Variants in PARD3B observed in about 807,000 individuals in gnomAD.
PARD3B encodes the protein par-3 family cell polarity regulator beta, also known as partitioning defective 3 homolog B.
In PARD3B, 103 loss-of-function variants were observed where a neutral mutation model predicts 130.2. That is an observed-to-expected ratio of 0.79 (90% CI 0.67 to 0.93). The LOEUF is 0.93. PARD3B is among the 40% of genes least tolerant of loss of function. The probability of loss-of-function intolerance (pLI) is 0.00; values close to 1 mark genes in which losing one functional copy is unlikely to be tolerated. For synonymous variants in PARD3B, 583 were observed against 553.2 expected, an observed-to-expected ratio of 1.05 and a Z score of -0.76; for missense variants, 1,609 against 1,499.2, an observed-to-expected ratio of 1.07 and a Z score of -1.21.
At chr2:204,936,229 C>T (rs1329125297) in intron 2 of PARD3B, among the ~76,000 whole-genome samples, 5 of 152,264 alleles carry the variant, frequency 3.3e-5, no homozygotes, top group Admixed American at 3.3e-4. Context: ...GGGCCACGTG[C>T]TGTGTGGTCG....
At chr2:204,589,728 C>T (rs1253745256) in intron 1 of PARD3B, among the ~76,000 whole-genome samples, 2 of 152,148 alleles carry the variant, frequency 1.3e-5, no homozygotes, top group African/African-American at 2.4e-5. Flanking sequence ...CTAAGATAAC[C>T]ATGAGTTTTG....
intron 2 of PARD3B, among the ~76,000 whole-genome samples, chr2:204,918,378 C>G (rs952497720): frequency 6.6e-6 from 1 of 152,174 alleles, no homozygotes; most frequent in Non-Finnish European, 1.5e-5. Context: ...CGCCTGTAAT[C>G]CCAGCACTTT....
chr2:204,800,044 A>G (rs1421809586), intron 2 of PARD3B, among the ~76,000 whole-genome samples: 1 of 152,212 alleles, frequency 6.6e-6, no homozygotes, highest in East Asian at 1.9e-4. Context: ...AGTACCAGTG[A>G]CTAATCCTGG....
chr2:204,679,599 G>GT (rs2036723760), intron 1 of PARD3B, among the ~76,000 whole-genome samples: 1 of 151,710 alleles, frequency 6.6e-6, no homozygotes, highest in Non-Finnish European at 1.5e-5. Flanking sequence ...AATCATAAAT[G>GT]TTTTGCATAT....
At chr2:204,761,120 G>A (rs932793496) in intron 2 of PARD3B, among the ~76,000 whole-genome samples, 3 of 152,204 alleles carry the variant, frequency 2.0e-5, no homozygotes, top group Non-Finnish European at 4.4e-5. Context: ...ACACAAACTT[G>A]TTAGGGGTGG....
intron 10 of PARD3B, among the ~76,000 whole-genome samples, chr2:205,140,796 T>G (rs546860669): frequency 6.6e-6 from 1 of 152,320 alleles, no homozygotes; most frequent in East Asian, 1.9e-4. Flanking sequence ...AATTTTTCAT[T>G]CTTTGGTTAT....
At chr2:204,632,002 G>A (rs2034695358) in intron 1 of PARD3B, among the ~76,000 whole-genome samples, 1 of 152,112 alleles carries the variant, frequency 6.6e-6, no homozygotes, top group Non-Finnish European at 1.5e-5. Context: ...TACTAAGTTT[G>A]GAGGATAAAT....
At chr2:205,471,604 C>G (rs1391035724) in intron 20 of PARD3B, among the ~76,000 whole-genome samples, 1 of 151,990 alleles carries the variant, frequency 6.6e-6, no homozygotes, top group East Asian at 1.9e-4. Flanking sequence ...CTCAGGTGAT[C>G]CACCTGCCTT....
rs983883624 is a variant in PARD3B, at chr2:205,146,804, T to G, written c.1435-11918T>G. Among the ~76,000 whole-genome samples, 1 of 152,036 alleles carries G rather than the reference T, an allele frequency of 6.6e-6. No individual in the cohort carries two copies. The highest frequency in any genetic ancestry group is 2.4e-5 in the African/African-American group (1 of 41,424). ...ATGCAGTGGAGCGATCTCAGCTCAG[T>G]GCATCCTTCGCCTCCCGGGTTGGAG... On this transcript the variant is annotated intron_variant, in intron 10 of 22. Transcript: ENST00000406610. This position sits in a 1 kb window ranked among gnomAD's most constrained non-coding sequence, Gnocchi z 4.3.
intron 21 of PARD3B, among the ~76,000 whole-genome samples, chr2:205,527,887 C>A (rs1409317309): frequency 3.3e-5 from 5 of 152,154 alleles, no homozygotes; most frequent in African/African-American, 1.2e-4. Flanking sequence ...TACTGTAAAG[C>A]CTAGTCCTCA....
intron 2 of PARD3B, among the ~76,000 whole-genome samples, chr2:204,793,798 C>A (rs2042275814): frequency 6.6e-6 from 1 of 152,078 alleles, no homozygotes. Context: ...TGAGCCACCA[C>A]GCCCGGCCAT....
chr2:204,733,826 C>T (rs927760748), intron 2 of PARD3B, among the ~76,000 whole-genome samples: 3 of 151,878 alleles, frequency 2.0e-5, no homozygotes, highest in African/African-American at 7.3e-5. Context: ...ACTAAACACA[C>T]CCATCTCCAT....
rs78745809 is a variant in PARD3B, at chr2:205,324,105, T to G, written c.2630+22404T>G. Among the ~76,000 whole-genome samples, 1,385 of 152,282 alleles carry G rather than the reference T, an allele frequency of 9.1e-3. 21 individuals are homozygous for G. Among genetic ancestry groups the G allele is most frequent in the Non-Finnish European group, 0.012 (819 of 68,024 alleles). On this transcript the variant is annotated intron_variant, in intron 18 of 22. Transcript: ENST00000406610. The stretch of plus-strand genomic sequence containing the variant: ...TTACACACCTTCTTTTGTCAGGGGC[T>G]TTACAGTGTCTAACATAGCTAGGCT...
chr2:204,613,091 T>C (rs925199035), intron 1 of PARD3B, among the ~76,000 whole-genome samples: 3 of 152,172 alleles, frequency 2.0e-5, no homozygotes, highest in African/African-American at 7.2e-5. Flanking sequence ...TTTCATTTTG[T>C]TTGTTTAGTG....
At chr2:205,380,935 AAT>A (rs1171979246) in intron 18 of PARD3B, among the ~76,000 whole-genome samples, 1 of 90,100 alleles carries the variant, frequency 1.1e-5, no homozygotes, top group Non-Finnish European at 1.9e-5. Flanking sequence ...ATATATAAAG[AAT>A]ATATATAATA....
At chr2:205,086,036 T>C (rs1701721974) in intron 4 of PARD3B, among the ~76,000 whole-genome samples, 2 of 152,160 alleles carry the variant, frequency 1.3e-5, no homozygotes, top group South Asian at 4.1e-4. Flanking sequence ...CAAGAACTTG[T>C]GGTGATGCTG....
At chr2:204,918,484 A>G (rs978759140) in intron 2 of PARD3B, among the ~76,000 whole-genome samples, 2 of 151,414 alleles carry the variant, frequency 1.3e-5, no homozygotes, top group African/African-American at 2.4e-5. Context: ...CAAAAAATTA[A>G]CCGGGCGTAG....
chr2:204,682,344 C>T (rs1037723416), intron 1 of PARD3B, among the ~76,000 whole-genome samples: 3 of 152,142 alleles, frequency 2.0e-5, no homozygotes, highest in South Asian at 4.1e-4. Flanking sequence ...AGTTAATTCA[C>T]CTACCTTGGT....
intron 2 of PARD3B, among the ~76,000 whole-genome samples, chr2:204,953,545 C>CTACA (rs1266137736): frequency 6.6e-6 from 1 of 151,966 alleles, no homozygotes; most frequent in Non-Finnish European, 1.5e-5. Context: ...CACAAACACA[C>CTACA]TACAGACACA....
Sources: gnomAD v4.1 joint callset for allele counts (sites outside exome capture counted in the v4.1 genomes callset) on GRCh38, gnomAD v4.1.1 for gene constraint, Gnocchi (gnomAD v3.1) non-coding constraint, MANE v1.5 for transcripts, NCBI Gene and HGNC (gene_info 2026-07-23, HGNC 2026-07-21) for gene names.